FAM193A: variants seen among roughly 807,000 people sequenced by gnomAD.
FAM193A encodes family with sequence similarity 193 member A.
FAM193A carries 22 observed loss-of-function variants against 126.5 expected under a neutral mutation model. The ratio of observed to expected loss-of-function variants is 0.17; its 90% CI spans 0.12 to 0.25. The LOEUF (loss-of-function observed/expected upper bound fraction) is 0.25. Ranked by LOEUF, FAM193A falls within the 10% of genes least tolerant of loss-of-function variation. The pLI is 1.00. For missense variants in FAM193A, 1,675 were observed against 1,672.8 expected, an observed-to-expected ratio of 1.00 and a Z score of -0.02; for synonymous variants, 761 against 646.8, an observed-to-expected ratio of 1.18 and a Z score of -2.68.
chr4:2,582,461 T>G (rs559614722), intron 1 of FAM193A, among the ~76,000 whole-genome samples: 1 of 152,250 alleles, frequency 6.6e-6, no homozygotes, highest in East Asian at 1.9e-4. Flanking sequence ...TCCTTCCTTC[T>G]CCTTCCCTCC....
At chr4:2,598,954 C>T (rs1398560336) in intron 2 of FAM193A, among the ~76,000 whole-genome samples, 2 of 152,330 alleles carry the variant, frequency 1.3e-5, no homozygotes, top group East Asian at 1.9e-4. Flanking sequence ...CACCTCTGCC[C>T]GGTGGCAGCC....
intron 1 of FAM193A, among the ~76,000 whole-genome samples, chr4:2,586,762 T>C (rs1740263387): frequency 6.6e-6 from 1 of 152,154 alleles, no homozygotes. Flanking sequence ...CAAGCAATCT[T>C]CCCACCTCAG....
intron 13 of FAM193A, among the ~76,000 whole-genome samples, chr4:2,676,344 A>G (rs572938827): frequency 6.6e-6 from 1 of 152,284 alleles, no homozygotes; most frequent in East Asian, 1.9e-4. Flanking sequence ...GTGGTATCCC[A>G]TTGTAGGGCT....
intron 5 of FAM193A, among the ~76,000 whole-genome samples, chr4:2,635,814 G>A (rs1243616877): frequency 1.3e-5 from 2 of 152,116 alleles, no homozygotes; most frequent in Admixed American, 6.5e-5. Context: ...TTGGGATTAT[G>A]GGCGTGAGCC....
At chr4:2,545,494 C>G (rs1392641017) in intron 1 of FAM193A, among the ~76,000 whole-genome samples, 2 of 151,914 alleles carry the variant, frequency 1.3e-5, no homozygotes, top group East Asian at 3.9e-4. Flanking sequence ...TGCTATGAGT[C>G]AACTGATGTG....
At chr4:2,628,466 T>C (rs1337208020) in intron 4 of FAM193A, among the ~76,000 whole-genome samples, 1 of 151,946 alleles carries the variant, frequency 6.6e-6, no homozygotes, top group Non-Finnish European at 1.5e-5. Flanking sequence ...TAGTGACTTG[T>C]CTCTACACAA....
At chr4:2,577,958 A>G (rs1739702949) in intron 1 of FAM193A, among the ~76,000 whole-genome samples, 3 of 152,218 alleles carry the variant, frequency 2.0e-5, no homozygotes, top group Admixed American at 2.0e-4. Flanking sequence ...ACAAACATCC[A>G]TTAGCACGTA....
At chr4:2,679,358 C>T (rs183688602) in intron 13 of FAM193A, among the ~76,000 whole-genome samples, 171 of 144,126 alleles carry the variant, frequency 1.2e-3, no homozygotes, top group Non-Finnish European at 1.8e-3. Context: ...AAGCGATACT[C>T]GTTTGTAGTT....
At chr4:2,648,530 C>T (rs1199603977) in intron 7 of FAM193A, among the ~76,000 whole-genome samples, 4 of 152,190 alleles carry the variant, frequency 2.6e-5, no homozygotes, top group Non-Finnish European at 5.9e-5. Context: ...TTGTCACTGA[C>T]CAGCGACTTC....
At chr4:2,720,128 A>G (rs920038621) in intron 20 of FAM193A, 1 of 155,492 alleles carries the variant, frequency 6.4e-6, no homozygotes, top group East Asian at 1.9e-4. Flanking sequence ...CTACATTAAT[A>G]TATTAAAGAA....
chr4:2,565,682 A>G (rs780860278), intron 1 of FAM193A, among the ~76,000 whole-genome samples: 4 of 152,300 alleles, frequency 2.6e-5, no homozygotes, highest in African/African-American at 4.8e-5. Context: ...GGTTCACCAC[A>G]TGATGCATAG....
In FAM193A at chr4:2,631,164, A is replaced by T; in HGVS notation, c.1033A>T (p.Thr345Ser). 1 of 1,605,738 alleles carries T rather than the reference A, an allele frequency of 6.2e-7. No individual in the cohort carries two copies. Among genetic ancestry groups the T allele is most frequent in the Non-Finnish European group, 8.5e-7 (1 of 1,175,576 alleles). The change falls in exon 5 of 21, where the codon ACT (threonine) becomes TCT (serine). Residue 345 changes from threonine to serine, a missense_variant. By Grantham distance (58) the Thr-to-Ser change is moderately conservative (BLOSUM62 1). Coordinates refer to ENST00000637812, the MANE Select transcript of FAM193A (RefSeq NM_001366318.2). ...AARSISTFLGTLENEHLKKFQ... is the reference protein window; with the variant it reads ...AARSISTFLGSLENEHLKKFQ... ...ACGCTCCATCAGCACCTTCCTTGGCACTCTGGTAAGAGAGAAAACGTGTTT... is the reference window on the plus strand; with the variant it reads ...ACGCTCCATCAGCACCTTCCTTGGCTCTCTGGTAAGAGAGAAAACGTGTTT...
chr4:2,570,413 G>C (rs1038841025), intron 1 of FAM193A, among the ~76,000 whole-genome samples: 2 of 152,176 alleles, frequency 1.3e-5, no homozygotes, highest in South Asian at 4.1e-4. Flanking sequence ...CTAAATCGCT[G>C]CAGTGAGCTT....
intron 7 of FAM193A, 93 bp from the exon 8 acceptor site, chr4:2,657,709 AT>A (rs1711879183): frequency 2.6e-6 from 2 of 760,112 alleles, no homozygotes; most frequent in Admixed American, 4.8e-5. Context: ...CATATATATC[AT>A]TTTAAGAAAG....
Position 2,693,610 on chromosome 4 carries a change from A to G in FAM193A, c.2828A>G (p.Lys943Arg). The change falls in exon 16 of 21, where the codon AAG becomes AGG. Residue 943 changes from lysine to arginine, a missense_variant. By Grantham distance (26) the Lys-to-Arg change is conservative. This residue lies in a region of FAM193A where 1,186 missense variants were observed against 1,109.2 expected (regional missense o/e 1.07). Transcript: ENST00000637812. ...SVGDVFHGIS[K>R]EDHRHSAPAA... ...GGTGACGTGTTTCATGGCATCAGCA[A>G]GGAGGACCACAGACACTCGGCCCCA... 2 of 1,613,004 alleles carry G rather than the reference A, an allele frequency of 1.2e-6. No homozygotes were observed. The highest frequency in any genetic ancestry group is 1.7e-6 in the Non-Finnish European group (2 of 1,179,144).
At chr4:2,675,797 C>G (rs865969359) in intron 13 of FAM193A, among the ~76,000 whole-genome samples, 6 of 152,040 alleles carry the variant, frequency 3.9e-5, no homozygotes, top group African/African-American at 1.4e-4. Context: ...AACAATAACT[C>G]CACTTCTCCC....
intron 2 of FAM193A, among the ~76,000 whole-genome samples, chr4:2,611,922 C>T (rs1340020120): frequency 1.3e-5 from 2 of 151,230 alleles, no homozygotes; most frequent in African/African-American, 2.4e-5. Flanking sequence ...CTGCAAGCTC[C>T]GCCTCCCGGG....
At chr4:2,701,895 G>A (rs1440814535) in intron 19 of FAM193A, among the ~76,000 whole-genome samples, 1 of 151,690 alleles carries the variant, frequency 6.6e-6, no homozygotes, top group Admixed American at 6.6e-5. Context: ...TCCTGCCTCA[G>A]CCTCTCAAGT....
At chr4:2,542,065 G>T (rs933050543) in intron 1 of FAM193A, among the ~76,000 whole-genome samples, 1 of 151,648 alleles carries the variant, frequency 6.6e-6, no homozygotes, top group African/African-American at 2.4e-5. Flanking sequence ...ACCCCAGCTG[G>T]CGTACAGTGG....
Sources: allele counts gnomAD v4.1 joint callset (sites outside exome capture counted in the v4.1 genomes callset), GRCh38; gene constraint gnomAD v4.1.1; regional missense constraint gnomAD v4.1.1; transcripts MANE v1.5; gene names NCBI Gene and HGNC (gene_info 2026-07-23, HGNC 2026-07-21).